SEMA7A: variants seen among roughly 807,000 people sequenced by gnomAD.
SEMA7A encodes the protein semaphorin-7A.
Under a neutral mutation model 67.5 loss-of-function variants are expected in SEMA7A, and 21 were observed. That is an observed-to-expected ratio of 0.31 (90% CI 0.22 to 0.45). The LOEUF (loss-of-function observed/expected upper bound fraction) is 0.45, where lower values mean the gene tolerates loss of function less well. Among genes scored for constraint, SEMA7A ranks in the 20% least tolerant of loss-of-function variants. The pLI, the probability that SEMA7A is intolerant of heterozygous loss-of-function variation, is 1.00. For synonymous variants in SEMA7A, 364 were observed against 368.5 expected (o/e 0.99, Z 0.14); for missense variants, 774 against 908.6 (o/e 0.85, Z 1.90).
chr15:74,431,763 G>A (rs1463176037), intron 1 of SEMA7A, among the ~76,000 whole-genome samples: 1 of 152,272 alleles, frequency 6.6e-6, no homozygotes, highest in Non-Finnish European at 1.5e-5. Flanking sequence ...TGGCCCTGGG[G>A]GTGGGGGGCA....
chr15:74,433,282 G>A (rs1459727497), intron 1 of SEMA7A, among the ~76,000 whole-genome samples: 1 of 151,740 alleles, frequency 6.6e-6, no homozygotes, highest in South Asian at 2.1e-4. Flanking sequence ...GGCGGCAAGG[G>A]GTCCGCGCCC....
Position 74,411,585 on chromosome 15 carries a change from G to A in SEMA7A, c.1548C>T (p.Gly516=), listed in dbSNP as rs1288316122. 2 of 1,587,938 alleles carry A rather than the reference G, an allele frequency of 1.3e-6. No homozygotes were observed. Among genetic ancestry groups the A allele is most frequent in the Non-Finnish European group, 1.7e-6 (2 of 1,166,112 alleles). ...SRDPYCGWDQ[G]RCISIYSSER... The stretch of plus-strand genomic sequence containing the variant: ...CGGAGCTGTAGATGGAGATGCAGCG[G>A]CCTTGGTCCCAGCCGCAGTAGGGGT... The change falls in exon 12 of 14, where the codon GGC becomes GGT. Residue 516 remains glycine (G), a synonymous_variant. Transcript: ENST00000261918. This position sits in a 1 kb window ranked among gnomAD's most constrained non-coding sequence, Gnocchi z 4.4.
At position 74,433,750 on chromosome 15, in the gene SEMA7A, C is replaced by T. The variant is rs778415256; in HGVS notation, c.169G>A (p.Val57Ile). The T allele has an allele frequency of 1.5e-5, 22 of 1,443,846 alleles. No individual in the cohort carries two copies. The African/African-American group carries it at 1.9e-4, about 13-fold the overall frequency. 89.4% of individuals were successfully genotyped at this position (1,443,846 alleles called of 1,614,324 possible). A position where few individuals can be genotyped will look rare whatever the true frequency, so the allele number is the denominator to read the frequency against. ...GCGCGGCGCCGCCTACCTTTCCAGA[C>T]GGCGAAGATGCGGGGTCCGCTCCTT... ...HLRSGPRIFA[V>I]WKGHVGQDRV... Residue 57 changes from valine (V) to isoleucine (I), a missense_variant, in exon 1 of 14, where the codon GTC becomes ATC. Physicochemically the swap from Val to Ile is conservative, Grantham distance 29 (BLOSUM62 3). Around this residue, in one of 2 missense-constraint regions of SEMA7A, gnomAD observed 347 missense variants for 353.2 expected, o/e 0.98. Transcript: ENST00000261918.
intron 6 of SEMA7A, among the ~76,000 whole-genome samples, chr15:74,417,064 G>C (rs28362917): frequency 0.016 from 2,410 of 152,230 alleles, 26 homozygotes; most frequent in East Asian, 0.024. Flanking sequence ...CTCAGCAGAG[G>C]ATAAACTTTG....
rs1479848295 is a variant in SEMA7A at position 74,410,927 on chromosome 15, G to A, written c.1698C>T (p.Cys566=). Residue 566 remains cysteine, a synonymous_variant, in exon 14 of 14, where the codon TGC becomes TGT. Coordinates refer to ENST00000261918, the MANE Select transcript of SEMA7A (RefSeq NM_003612.5). This position sits in a 1 kb window ranked among gnomAD's most constrained non-coding sequence, Gnocchi z 7.5. ...LAPNSRYYLS[C]PMESRHATYS... The stretch of plus-strand genomic sequence containing the variant: ...AGGTGGCGTGGCGGGATTCCATGGG[G>A]CAGCTCAGGTAGTAGCGAGAGTTTG... 6.2e-7 allele frequency: 1 copy of A among 1,614,008 alleles called. No homozygotes were observed. The highest frequency in any genetic ancestry group is 8.5e-7 in the Non-Finnish European group (1 of 1,180,048).
intron 2 of SEMA7A, 21 bp from the exon 3 acceptor site, chr15:74,418,330 T>A (rs1228521313): frequency 6.2e-7 from 1 of 1,612,062 alleles, no homozygotes; most frequent in African/African-American, 1.3e-5. Flanking sequence ...GGGAGAAGCA[T>A]TAGTTCAATC....
rs763004357 is a variant in SEMA7A at position 74,414,882 on chromosome 15, G to A, written c.1051C>T (p.Leu351Phe). The change falls in exon 9 of 14, where the codon CTC (leucine) becomes TTC (phenylalanine). Residue 351 changes from leucine (L) to phenylalanine (F), a missense_variant. This residue lies in a region of SEMA7A where 427 missense variants were observed against 555.4 expected (regional missense o/e 0.77). Transcript: ENST00000261918. This position sits in a 1 kb window ranked among gnomAD's most constrained non-coding sequence, Gnocchi z 4.1. ...GGAAGGCTTGAGTGGTAGCCCTTGA[G>A]TGAGGAGGTACGGAAGACCTTGTCA... ...DIDKVFRTSS[L>F]KGYHSSLPNP... is the part of the protein sequence containing the mutation. 11 of 1,614,218 alleles carry A rather than the reference G, an allele frequency of 6.8e-6. No homozygotes were observed. In the South Asian group the frequency reaches 9.9e-5, roughly 14 times the overall value.
chr15:74,417,586 C>G lies in SEMA7A; in HGVS notation c.550+5G>C. 1 of 1,611,970 alleles carries G rather than the reference C, an allele frequency of 6.2e-7. No individual in the cohort carries two copies. The highest frequency in any genetic ancestry group is 1.1e-5 in the South Asian group (1 of 90,904). On this transcript the variant is annotated splice_donor_5th_base_variant and intron_variant, in intron 5 of 13. Coordinates refer to ENST00000261918, the MANE Select transcript of SEMA7A (RefSeq NM_003612.5). Reference sequence around the variant, plus strand: ...CCTGGGGCGCCTGCTCCAGCACTGCCCTACCTTCAAACAGAACCAGGGAGT... The same window carrying G: ...CCTGGGGCGCCTGCTCCAGCACTGCGCTACCTTCAAACAGAACCAGGGAGT...
At chr15:74,427,401 C>G (rs1311538491) in intron 1 of SEMA7A, 1 of 985,256 alleles carries the variant, frequency 1.0e-6, no homozygotes. Context: ...GAAGTCATCA[C>G]AGTGACCTTC....
Position 74,414,766 on chromosome 15 carries a change from C to T in SEMA7A, c.1096-21G>A. On this transcript the variant is annotated intron_variant, in intron 9 of 13. Coordinates refer to ENST00000261918, the MANE Select transcript of SEMA7A (RefSeq NM_003612.5). This position sits in a 1 kb window ranked among gnomAD's most constrained non-coding sequence, Gnocchi z 4.1. ...AGGCACTGGGCAAGGAGAGCAGGCCCAGGTCAGTGGGGTGGTGGGAGGTGA... is the reference window on the plus strand; with the variant it reads ...AGGCACTGGGCAAGGAGAGCAGGCCTAGGTCAGTGGGGTGGTGGGAGGTGA... 2 of 1,614,044 alleles carry T rather than the reference C, an allele frequency of 1.2e-6. No homozygotes were observed. Among genetic ancestry groups the T allele is most frequent in the Non-Finnish European group, 1.7e-6 (2 of 1,179,994 alleles).
chr15:74,430,258 T>C (rs2061077439), intron 1 of SEMA7A, among the ~76,000 whole-genome samples: 1 of 152,176 alleles, frequency 6.6e-6, no homozygotes, highest in Non-Finnish European at 1.5e-5. Flanking sequence ...ACTTAAGGGT[T>C]TCCCCTGACT....
chr15:74,428,468 T>C (rs1377490030), intron 1 of SEMA7A, among the ~76,000 whole-genome samples: 2 of 152,220 alleles, frequency 1.3e-5, no homozygotes, highest in Non-Finnish European at 2.9e-5. Context: ...CTGGCCCAGC[T>C]AATCTCTGAC....
In SEMA7A at chr15:74,414,994, A is replaced by C. The variant is rs143179537; in HGVS notation, c.987-48T>G. ...TCAATGGGGGGCCCAGAACCCACCCATCCACCTCCACTCACCCAGGCCAGC... is the reference window on the plus strand; with the variant it reads ...TCAATGGGGGGCCCAGAACCCACCCCTCCACCTCCACTCACCCAGGCCAGC... On this transcript the variant is annotated intron_variant, in intron 8 of 13. Transcript: ENST00000261918. This position sits in a 1 kb window ranked among gnomAD's most constrained non-coding sequence, Gnocchi z 4.1. 7.3e-6 allele frequency: 11 copies of C among 1,501,100 alleles called. No homozygotes were observed. The highest frequency in any genetic ancestry group is 1.0e-5 in the Non-Finnish European group (11 of 1,083,974). 93.0% of individuals were successfully genotyped at this position (1,501,100 alleles called of 1,614,324 possible).
At chr15:74,418,568 C>T (rs915447083) in intron 2 of SEMA7A, among the ~76,000 whole-genome samples, 9 of 152,200 alleles carry the variant, frequency 5.9e-5, no homozygotes, top group African/African-American at 1.4e-4. Flanking sequence ...TCCGCAGCAG[C>T]GCTGCCCAGC....
Position 74,433,735 on chromosome 15 carries a change from G to A in SEMA7A, c.178+6C>T. The stretch of plus-strand genomic sequence containing the variant: ...CGCGCCTGACCGGCCGCGCGGCGCC[G>A]CCTACCTTTCCAGACGGCGAAGATG... On this transcript the variant is annotated splice_donor_region_variant and intron_variant, in intron 1 of 13. Transcript: ENST00000261918. 5 of 1,431,810 alleles carry A rather than the reference G, an allele frequency of 3.5e-6. No individual in the cohort carries two copies. The highest frequency in any genetic ancestry group is 1.5e-5 in the African/African-American group (1 of 66,746). 88.7% of individuals were successfully genotyped at this position (1,431,810 alleles called of 1,614,324 possible).
intron 1 of SEMA7A, among the ~76,000 whole-genome samples, chr15:74,425,077 CA>C (rs2061032509): frequency 6.6e-6 from 1 of 152,148 alleles, no homozygotes; most frequent in Non-Finnish European, 1.5e-5. Flanking sequence ...GGAGACTGAG[CA>C]AGGGCAGCCA....
At chr15:74,430,695 G>GC (rs931984048) in intron 1 of SEMA7A, among the ~76,000 whole-genome samples, 6 of 152,150 alleles carry the variant, frequency 3.9e-5, no homozygotes, top group East Asian at 1.9e-4. Context: ...CCGGGGAATT[G>GC]CCCCCCCACC....
chr15:74,417,215 C>T (rs2060957938), intron 6 of SEMA7A, 120 bp downstream of exon 6: 4 of 785,532 alleles, frequency 5.1e-6, no homozygotes, highest in East Asian at 4.9e-5. Flanking sequence ...CAAGGTCCTG[C>T]TTTCCTGCAT....
intron 1 of SEMA7A, among the ~76,000 whole-genome samples, chr15:74,428,515 C>T (rs2061060664): frequency 6.6e-6 from 1 of 152,226 alleles, no homozygotes; most frequent in African/African-American, 2.4e-5. Flanking sequence ...CGCTGTCAGG[C>T]TGTGTGGGTT....
Sources: gnomAD v4.1 joint callset for allele counts (sites outside exome capture counted in the v4.1 genomes callset) on GRCh38, gnomAD v4.1.1 for gene constraint, gnomAD v4.1.1 regional missense constraint, Gnocchi (gnomAD v3.1) non-coding constraint, MANE v1.5 for transcripts, NCBI Gene and HGNC (gene_info 2026-07-23, HGNC 2026-07-21) for gene names.